The following KCTD16 variants were observed in gnomAD, a reference collection of about 807,000 sequenced individuals.
KCTD16 encodes the protein BTB/POZ domain-containing protein KCTD16.
In KCTD16, 13 loss-of-function variants were observed where a neutral mutation model predicts 33.2. The ratio of observed to expected loss-of-function variants is 0.39; its 90% CI spans 0.25 to 0.62. KCTD16 has a LOEUF of 0.62. KCTD16 is among the 20% of genes least tolerant of loss of function. The pLI is 0.50. For missense variants in KCTD16, 441 were observed against 525.1 expected (o/e 0.84, Z 1.57); for synonymous variants, 197 against 195.3 (o/e 1.01, Z -0.07).
intron 3 of KCTD16, among the ~76,000 whole-genome samples, chr5:144,470,484 C>T (rs4580806): frequency 6.6e-6 from 1 of 152,166 alleles, no homozygotes; most frequent in Non-Finnish European, 1.5e-5. Context: ...ATTGGATCAG[C>T]TGGATGGGGC....
intron 2 of KCTD16, among the ~76,000 whole-genome samples, chr5:144,191,355 C>T (rs951490441): frequency 3.9e-5 from 6 of 152,190 alleles, no homozygotes; most frequent in African/African-American, 7.2e-5. Context: ...TAAGTTCAAA[C>T]TCCTCCACTG....
chr5:144,330,848 G>A (rs986011414), intron 3 of KCTD16, among the ~76,000 whole-genome samples: 4 of 152,126 alleles, frequency 2.6e-5, no homozygotes, highest in Non-Finnish European at 4.4e-5. Flanking sequence ...TAATCTTTCC[G>A]TATCTTTTTC....
In KCTD16 at chr5:144,485,514, A is replaced by G. The variant is rs1754788059; in HGVS notation, c.*11400A>G. ...AGTATTGTAAAATTGTATGGTGAAAACTACAAAAGTCATTCTGTGGATATA... is the reference window on the plus strand; with the variant it reads ...AGTATTGTAAAATTGTATGGTGAAAGCTACAAAAGTCATTCTGTGGATATA... On this transcript the variant is annotated 3_prime_UTR_variant, in exon 4 of 4. Coordinates refer to ENST00000512467, the MANE Select transcript of KCTD16 (RefSeq NM_020768.4). 6.6e-6 allele frequency: 1 copy of G among 151,906 alleles called. No homozygotes were observed. The highest frequency in any genetic ancestry group is 2.4e-5 in the African/African-American group (1 of 41,406). 9.4% of individuals were successfully genotyped at this position (151,906 alleles called of 1,614,324 possible).
At chr5:144,286,824 AATCTATC>A (rs1360207644) in intron 3 of KCTD16, among the ~76,000 whole-genome samples, 1 of 152,142 alleles carries the variant, frequency 6.6e-6, no homozygotes, top group Non-Finnish European at 1.5e-5. Context: ...TGAGGAAAAA[AATCTATC>A]TTCTATGATA....
intron 3 of KCTD16, among the ~76,000 whole-genome samples, chr5:144,361,393 A>T (rs1751709696): frequency 6.6e-6 from 1 of 152,150 alleles, no homozygotes; most frequent in Admixed American, 6.6e-5. Flanking sequence ...TCTTCCACAA[A>T]AAGACCATCT....
intron 1 of KCTD16, 96 bp from the exon 2 acceptor site, chr5:144,174,211 A>G (rs1025026411): frequency 1.1e-4 from 17 of 152,226 alleles, no homozygotes; most frequent in African/African-American, 4.1e-4. Context: ...ACACTTTTAC[A>G]TGCTTCACAA....
At chr5:144,331,567 G>A (rs1314521099) in intron 3 of KCTD16, among the ~76,000 whole-genome samples, 1 of 152,170 alleles carries the variant, frequency 6.6e-6, no homozygotes, top group Non-Finnish European at 1.5e-5. Context: ...TACCCTAGAT[G>A]TGAAGCATAG....
In KCTD16 at chr5:144,393,614, A is replaced by C. The variant is rs143067110; in HGVS notation, c.833-80046A>C. ...GTATACATATACATATATGTACTTA[A>C]GAAAGCCAAGTCTTCTCTGCCACCT... On this transcript the variant is annotated intron_variant, in intron 3 of 3. Coordinates refer to ENST00000512467, the MANE Select transcript of KCTD16 (RefSeq NM_020768.4). Among the ~76,000 whole-genome samples the C allele has an allele frequency of 9.6e-3, 1,460 of 152,220 alleles. 20 individuals are homozygous for C. Among genetic ancestry groups the C allele is most frequent in the Non-Finnish European group, 0.01 (706 of 68,014 alleles).
At chr5:144,351,406 G>A (rs1751429928) in intron 3 of KCTD16, among the ~76,000 whole-genome samples, 1 of 152,172 alleles carries the variant, frequency 6.6e-6, no homozygotes. Flanking sequence ...CAAGATAAGT[G>A]TTGGTGAGGA....
chr5:144,254,794 C>T (rs1313478548), intron 3 of KCTD16, among the ~76,000 whole-genome samples: 2 of 151,962 alleles, frequency 1.3e-5, no homozygotes, highest in African/African-American at 2.4e-5. Flanking sequence ...TTTAATCACT[C>T]TGTCATCCAG....
intron 2 of KCTD16, chr5:144,205,747 A>G (rs1357160661): frequency 2.5e-6 from 1 of 395,446 alleles, no homozygotes; most frequent in Non-Finnish European, 4.4e-6. Flanking sequence ...CTTCAACCCA[A>G]CCTCCTCTCA....
At chr5:144,435,780 T>C (rs905454839) in intron 3 of KCTD16, among the ~76,000 whole-genome samples, 1 of 151,928 alleles carries the variant, frequency 6.6e-6, no homozygotes, top group Admixed American at 6.6e-5. Flanking sequence ...TGTTTTGTGG[T>C]GGTGGTTGTT....
At chr5:144,183,044 A>T (rs115730445) in intron 2 of KCTD16, among the ~76,000 whole-genome samples, 155 of 141,890 alleles carry the variant, frequency 1.1e-3, no homozygotes, top group African/African-American at 3.8e-3. Flanking sequence ...GTAATGAAAC[A>T]TAAAAAAAAA....
intron 3 of KCTD16, among the ~76,000 whole-genome samples, chr5:144,245,187 CT>C (rs1754516010): frequency 6.6e-6 from 1 of 152,118 alleles, no homozygotes; most frequent in Admixed American, 6.6e-5. Flanking sequence ...CACACACAAT[CT>C]TTGTCTTAAA....
intron 3 of KCTD16, among the ~76,000 whole-genome samples, chr5:144,243,324 A>G (rs1754454380): frequency 6.6e-6 from 1 of 152,188 alleles, no homozygotes; most frequent in Non-Finnish European, 1.5e-5. Flanking sequence ...CTTTCAGAAG[A>G]AGTCACTATG....
chr5:144,172,464 T>C (rs1752411846), intron 1 of KCTD16, among the ~76,000 whole-genome samples: 1 of 152,264 alleles, frequency 6.6e-6, no homozygotes, highest in Non-Finnish European at 1.5e-5. Context: ...CAATAAATTA[T>C]TGTTAACTAT....
At chr5:144,335,300 A>G (rs1752459601) in intron 3 of KCTD16, among the ~76,000 whole-genome samples, 1 of 152,264 alleles carries the variant, frequency 6.6e-6, no homozygotes, top group African/African-American at 2.4e-5. Context: ...AAGAAGACAG[A>G]GAAAGACTCT....
intron 3 of KCTD16, 64 bp from the exon 4 acceptor site, chr5:144,473,596 C>T: frequency 7.2e-7 from 1 of 1,389,970 alleles, no homozygotes; most frequent in Non-Finnish European, 9.9e-7. Flanking sequence ...TGTCCAAGTG[C>T]TATACTGCTA....
chr5:144,207,836 G>A (rs751560271), intron 3 of KCTD16, among the ~76,000 whole-genome samples: 22 of 152,080 alleles, frequency 1.4e-4, no homozygotes, highest in Non-Finnish European at 2.6e-4. Context: ...TTTTGTTTTT[G>A]CCAGATATTG....
Sources: allele counts gnomAD v4.1 joint callset (sites outside exome capture counted in the v4.1 genomes callset), GRCh38; gene constraint gnomAD v4.1.1; transcripts MANE v1.5; gene names NCBI Gene and HGNC (gene_info 2026-07-23, HGNC 2026-07-21).